The following RHEX variants were observed in gnomAD, a reference collection of about 807,000 sequenced individuals.
The protein encoded by RHEX is regulator of hemoglobinization and erythroid cell expansion.
In RHEX, 18 loss-of-function variants were observed where a neutral mutation model predicts 20.1. The observed-to-expected ratio is 0.90, with a 90% confidence interval of 0.62 to 1.33. The LOEUF is 1.33. RHEX is among the 40% of genes most tolerant of loss of function. The pLI, the probability that RHEX is intolerant of heterozygous loss-of-function variation, is 0.00. For synonymous variants in RHEX, 87 were observed against 77.1 expected (o/e 1.13, Z -0.67); for missense variants, 192 against 214.3 (o/e 0.90, Z 0.65).
intron 1 of RHEX, among the ~76,000 whole-genome samples, chr1:206,064,634 C>T (rs1662383940): frequency 6.7e-6 from 1 of 148,848 alleles, no homozygotes; most frequent in African/African-American, 2.5e-5. Flanking sequence ...CGGCCGGCCG[C>T]CCCGTCCCGG....
At chr1:206,064,138 A>T (rs1662364988) in intron 1 of RHEX, among the ~76,000 whole-genome samples, 1 of 141,524 alleles carries the variant, frequency 7.1e-6, no homozygotes, top group African/African-American at 2.7e-5. Flanking sequence ...CTGAGAAGTG[A>T]GGAGACCCTC....
chr1:206,091,204 T>A (rs1662943943), intron 1 of RHEX, among the ~76,000 whole-genome samples: 1 of 152,192 alleles, frequency 6.6e-6, no homozygotes, highest in Middle Eastern at 3.2e-3. Flanking sequence ...TTGTGAGAAT[T>A]GGATGAGTTA....
intron 1 of RHEX, among the ~76,000 whole-genome samples, chr1:206,069,005 A>G (rs1286433724): frequency 6.6e-6 from 1 of 152,180 alleles, no homozygotes; most frequent in Non-Finnish European, 1.5e-5. Context: ...TATGTGGCAA[A>G]TGGGATGGTT....
intron 1 of RHEX, among the ~76,000 whole-genome samples, chr1:206,055,575 C>T (rs1132544): frequency 7.9e-5 from 12 of 152,260 alleles, no homozygotes; most frequent in Non-Finnish European, 1.3e-4. Flanking sequence ...CCGCAAGGAA[C>T]ACCAGATCAA....
chr1:206,058,995 T>C (rs1662254133), intron 1 of RHEX, among the ~76,000 whole-genome samples: 1 of 152,126 alleles, frequency 6.6e-6, no homozygotes, highest in Non-Finnish European at 1.5e-5. Context: ...CTGCCCAGGA[T>C]AGGTACTTGC....
chr1:206,066,384 A>G (rs2102310211), intron 1 of RHEX, among the ~76,000 whole-genome samples: 1 of 152,360 alleles, frequency 6.6e-6, no homozygotes, highest in South Asian at 2.1e-4. Context: ...TGGAAGGCCG[A>G]GGCGGACGGA....
intron 1 of RHEX, among the ~76,000 whole-genome samples, chr1:206,085,038 T>G (rs1279927590): frequency 6.6e-6 from 1 of 152,212 alleles, no homozygotes; most frequent in Non-Finnish European, 1.5e-5. Context: ...AGAAGAGTTT[T>G]CTTTCACTGA....
At chr1:206,060,115 G>A (rs1252002057) in intron 1 of RHEX, among the ~76,000 whole-genome samples, 1 of 152,166 alleles carries the variant, frequency 6.6e-6, no homozygotes, top group Non-Finnish European at 1.5e-5. Flanking sequence ...CAGAGAGATG[G>A]AGGTTTATGT....
chr1:206,091,876 G>A (rs1452580246), intron 1 of RHEX, among the ~76,000 whole-genome samples: 1 of 152,124 alleles, frequency 6.6e-6, no homozygotes, highest in Admixed American at 6.5e-5. Flanking sequence ...TAAATGAGAT[G>A]AACCCAAGAG....
At position 206,083,466 on chromosome 1, in the gene RHEX, C is replaced by T. The variant is rs573531003; in HGVS notation, c.-96-14267C>T. ...TCTCCCTTCACCCTGCTGTACTCAA[C>T]GAGCGAGATTGCTATCTTCTGAGTG... On this transcript the variant is annotated intron_variant, in intron 1 of 5. Transcript: ENST00000331555. 51 of 984,210 alleles carry T rather than the reference C, an allele frequency of 5.2e-5. 2 individuals are homozygous for T. The South Asian group carries it at 1.3e-3, about 25-fold the overall frequency. 61.0% of individuals were successfully genotyped at this position (984,210 alleles called of 1,614,324 possible).
At chr1:206,083,595 C>T (rs556123026) in intron 1 of RHEX, 19 of 985,410 alleles carry the variant, frequency 1.9e-5, no homozygotes, top group East Asian at 1.1e-4. Context: ...GAGATATTTC[C>T]GTTAGGACAT....
At chr1:206,057,560 A>T (rs1422628054) in intron 1 of RHEX, among the ~76,000 whole-genome samples, 2 of 152,260 alleles carry the variant, frequency 1.3e-5, no homozygotes, top group African/African-American at 4.8e-5. Flanking sequence ...CCAGAATTGC[A>T]CTGGGACTGG....
intron 1 of RHEX, among the ~76,000 whole-genome samples, chr1:206,086,946 G>A (rs1662852381): frequency 1.3e-5 from 2 of 152,150 alleles, no homozygotes; most frequent in African/African-American, 2.4e-5. Flanking sequence ...GGTCGAGGCT[G>A]CAGTGAGCCG....
intron 1 of RHEX, among the ~76,000 whole-genome samples, chr1:206,059,452 C>T (rs1662262426): frequency 6.6e-6 from 1 of 152,162 alleles, no homozygotes; most frequent in Non-Finnish European, 1.5e-5. Context: ...TAGTAAATTG[C>T]CTTAGTGATC....
chr1:206,079,579 G>A (rs1480532140), intron 1 of RHEX, among the ~76,000 whole-genome samples: 2 of 151,966 alleles, frequency 1.3e-5, no homozygotes, highest in Non-Finnish European at 2.9e-5. Flanking sequence ...TTTTTTAGAT[G>A]GAGTCTCACT....
intron 3 of RHEX, among the ~76,000 whole-genome samples, chr1:206,098,977 T>A (rs1398344032): frequency 6.6e-6 from 1 of 152,168 alleles, no homozygotes; most frequent in East Asian, 1.9e-4. Context: ...ATGGCTGGCA[T>A]CCCCAAAAGG....
chr1:206,073,638 G>GA (rs1242616824), intron 1 of RHEX, among the ~76,000 whole-genome samples: 1 of 152,010 alleles, frequency 6.6e-6, no homozygotes, highest in Non-Finnish European at 1.5e-5. Flanking sequence ...CATCTGAAAC[G>GA]AAAGTATCCC....
intron 1 of RHEX, among the ~76,000 whole-genome samples, chr1:206,065,452 C>G (rs1662404439): frequency 6.6e-6 from 1 of 152,126 alleles, no homozygotes; most frequent in African/African-American, 2.4e-5. Flanking sequence ...GAGAGAAACC[C>G]ATGTTGAGGT....
Position 206,071,471 on chromosome 1 carries a change from A to G in RHEX, c.-97+18206A>G, listed in dbSNP as rs537727195. Among the ~76,000 whole-genome samples, 3 of 151,420 alleles carry G rather than the reference A, an allele frequency of 2.0e-5. No individual in the cohort carries two copies. In the South Asian group the frequency reaches 6.3e-4, roughly 32 times the overall value. ...TGCGTCCTTCAATCCAATCAAATTG[A>G]CACCCAATATTAACCATCATACTGA... On this transcript the variant is annotated intron_variant, in intron 1 of 5. Transcript: ENST00000331555.
Sources: gnomAD v4.1 joint callset for allele counts (sites outside exome capture counted in the v4.1 genomes callset) on GRCh38, gnomAD v4.1.1 for gene constraint, MANE v1.5 for transcripts, NCBI Gene and HGNC (gene_info 2026-07-23, HGNC 2026-07-21) for gene names.